DNAH6: variants seen among roughly 807,000 people sequenced by gnomAD.
DNAH6 encodes dynein axonemal heavy chain 6.
In DNAH6, 340 loss-of-function variants were observed where a neutral mutation model predicts 491.4. The observed-to-expected ratio is 0.69, with a 90% CI of 0.63 to 0.76. The LOEUF (loss-of-function observed/expected upper bound fraction) is 0.76, where lower values mean the gene tolerates loss of function less well. Ranked by LOEUF, DNAH6 falls within the 30% of genes least tolerant of loss-of-function variation. DNAH6 has a pLI of 0.00. For synonymous variants in DNAH6, 1,603 were observed against 1,686.1 expected (o/e 0.95, Z 1.21); for missense variants, 4,443 against 4,972.2 (o/e 0.89, Z 3.20).
chr2:84,525,806 C>G lies in DNAH6; in HGVS notation c.399+68C>G, dbSNP rs181683816. The stretch of plus-strand genomic sequence containing the variant: ...TGTTTTGTATAGCATTGCTAGCATA[C>G]TTTTAACTCATAAGAATAGAAGCAA... On this transcript the variant is annotated intron_variant, in intron 3 of 76. Coordinates refer to ENST00000389394, the MANE Select transcript of DNAH6 (RefSeq NM_001370.2). 4.2e-5 allele frequency: 48 copies of G among 1,133,012 alleles called. No individual in the cohort carries two copies. The Admixed American group carries it at 1.3e-3, about 31-fold the overall frequency. The allele number at this position is 1,133,012 out of a possible 1,614,324, so 70.2% of individuals were successfully genotyped here. A position where few individuals can be genotyped will look rare whatever the true frequency, so the allele number is the denominator to read the frequency against.
chr2:84,781,445 G>A (rs1478798780), intron 64 of DNAH6, 48 bp from the exon 65 acceptor site: 1 of 1,452,938 alleles, frequency 6.9e-7, no homozygotes, highest in Non-Finnish European at 9.3e-7. Flanking sequence ...TATTGATTTT[G>A]CTTTAAAATA....
intron 63 of DNAH6, among the ~76,000 whole-genome samples, chr2:84,754,077 C>T (rs1673752948): frequency 6.6e-6 from 1 of 152,136 alleles, no homozygotes; most frequent in Non-Finnish European, 1.5e-5. Flanking sequence ...CTGCCTTGGC[C>T]TCCCAAAGTG....
intron 8 of DNAH6, among the ~76,000 whole-genome samples, chr2:84,549,567 A>T (rs1456801036): frequency 6.6e-6 from 1 of 152,232 alleles, no homozygotes; most frequent in African/African-American, 2.4e-5. Context: ...AGCATCTTTT[A>T]AAAAATATTA....
At chr2:84,611,017 G>A (rs895243148) in intron 21 of DNAH6, among the ~76,000 whole-genome samples, 7 of 152,154 alleles carry the variant, frequency 4.6e-5, no homozygotes, top group Non-Finnish European at 1.5e-5. Flanking sequence ...ACCTAGAGTG[G>A]GAAGTGAGGA....
intron 30 of DNAH6, among the ~76,000 whole-genome samples, chr2:84,636,054 C>A (rs931270699): frequency 1.3e-5 from 2 of 152,200 alleles, no homozygotes; most frequent in African/African-American, 4.8e-5. Context: ...ACTTACACCT[C>A]TTGAATTCTG....
At chr2:84,734,098 T>C (rs1699334773) in intron 62 of DNAH6, among the ~76,000 whole-genome samples, 1 of 152,002 alleles carries the variant, frequency 6.6e-6, no homozygotes, top group Admixed American at 6.6e-5. Flanking sequence ...CTGTATTCAT[T>C]TTTCCCTGCA....
At position 84,564,032 on chromosome 2, in the gene DNAH6, T is replaced by A. The variant is rs1680923883; in HGVS notation, c.1803+6097T>A. Among the ~76,000 whole-genome samples, 4 of 152,172 alleles carry A rather than the reference T, an allele frequency of 2.6e-5. No homozygotes were observed. The South Asian group carries it at 8.3e-4, about 32-fold the overall frequency. On this transcript the variant is annotated intron_variant, in intron 11 of 76. Coordinates refer to ENST00000389394, the MANE Select transcript of DNAH6 (RefSeq NM_001370.2). ...GGTGTGCAGCTTTATTTCTGGGTTT[T>A]CTGTTCTGTTCTCTTGGTCTATGTG...
chr2:84,627,349 A>AT lies in DNAH6; in HGVS notation c.4515+2293dup, dbSNP rs571070998. On this transcript the variant is annotated intron_variant, in intron 29 of 76. Transcript: ENST00000389394. ...TTTTGTTGGAATACTTCCTTGAGCA[A>AT]TTTTTTTCCCATTCAAGTTTATAAA... 3.4e-3 allele frequency among the ~76,000 whole-genome samples: 524 copies of AT among 152,094 alleles called. 1 individual carries two copies. The highest frequency in any genetic ancestry group is 0.011 in the African/African-American group (476 of 41,500).
intron 63 of DNAH6, among the ~76,000 whole-genome samples, chr2:84,752,994 A>G (rs1160518738): frequency 6.6e-6 from 1 of 152,206 alleles, no homozygotes; most frequent in Non-Finnish European, 1.5e-5. Flanking sequence ...TTTTCCTAAA[A>G]GGCTGTATCA....
chr2:84,656,880 G>C (rs1691021556), intron 35 of DNAH6, among the ~76,000 whole-genome samples: 1 of 151,850 alleles, frequency 6.6e-6, no homozygotes, highest in South Asian at 2.1e-4. Context: ...CTCATGGATG[G>C]TGCCTTTGGT....
intron 33 of DNAH6, among the ~76,000 whole-genome samples, chr2:84,643,160 G>A (rs1240425022): frequency 6.6e-6 from 1 of 151,924 alleles, no homozygotes; most frequent in Non-Finnish European, 1.5e-5. Flanking sequence ...ATTCTAGGTT[G>A]GTGGGGTTTT....
intron 60 of DNAH6, among the ~76,000 whole-genome samples, chr2:84,726,502 GA>G (rs1173760485): frequency 1.3e-5 from 2 of 152,116 alleles, no homozygotes; most frequent in African/African-American, 4.8e-5. Context: ...GATGAAACTG[GA>G]AACCATCATT....
chr2:84,598,181 C>CTT (rs1684860253), intron 18 of DNAH6, among the ~76,000 whole-genome samples: 5 of 14,432 alleles, frequency 3.5e-4, no homozygotes, highest in Admixed American at 6.5e-4. Flanking sequence ...CTTTCTTTCT[C>CTT]TCTTTCTTTT....
At chr2:84,612,030 T>C (rs548078303) in intron 22 of DNAH6, among the ~76,000 whole-genome samples, 176 bp downstream of exon 22, 1 of 152,122 alleles carries the variant, frequency 6.6e-6, no homozygotes, top group East Asian at 1.9e-4. Context: ...TGCTAAGCAA[T>C]GTCAACGGAA....
At chr2:84,619,103 C>G (rs536619947) in intron 23 of DNAH6, among the ~76,000 whole-genome samples, 3 of 152,288 alleles carry the variant, frequency 2.0e-5, no homozygotes, top group African/African-American at 7.2e-5. Context: ...TTTATTTCTA[C>G]ATAGGTATAG....
At chr2:84,633,736 T>C (rs1049268120) in intron 29 of DNAH6, among the ~76,000 whole-genome samples, 2 of 151,762 alleles carry the variant, frequency 1.3e-5, no homozygotes, top group Admixed American at 1.3e-4. Context: ...GGCTTCCCTT[T>C]CCATTATGTT....
In DNAH6 at chr2:84,727,651, G is replaced by A; in HGVS notation, c.9973-18G>A. The A allele has an allele frequency of 7.0e-7, 1 of 1,434,092 alleles. No homozygotes were observed. Among genetic ancestry groups the A allele is most frequent in the Middle Eastern group, 1.7e-4 (1 of 5,786 alleles). The allele number at this position is 1,434,092 out of a possible 1,614,324, so 88.8% of individuals were successfully genotyped here. A position where few individuals can be genotyped will look rare whatever the true frequency, so the allele number is the denominator to read the frequency against. ...ATGAATTAAATCAGAGACATTGATA[G>A]AGCTCTCTTTCACACAGTTGTTCAA... On this transcript the variant is annotated intron_variant, in intron 60 of 76. Coordinates refer to ENST00000389394, the MANE Select transcript of DNAH6 (RefSeq NM_001370.2).
chr2:84,501,810 G>A, the DNAH6 span, among the ~76,000 whole-genome samples: 7 of 150,348 alleles, frequency 4.7e-5, no homozygotes, highest in African/African-American at 1.7e-4. Flanking sequence ...CAATTTATTG[G>A]CATGTAATTG....
Position 84,669,441 on chromosome 2 carries a change from G to T in DNAH6, c.6237G>T (p.Gly2079=). The T allele has an allele frequency of 1.3e-6, 2 of 1,551,968 alleles. No individual in the cohort carries two copies. Among genetic ancestry groups the T allele is most frequent in the Middle Eastern group, 1.7e-4 (1 of 5,996 alleles). ...LVPTTDTVRY[G]YLMEKLLAVK... is the part of the protein sequence containing the mutation. ...CCACAACTGACACAGTGCGCTATGG[G>T]TATCTAATGGAAAAACTACTGGCAG... is the stretch of plus-strand genomic sequence containing the variant. Residue 2079 remains glycine, a synonymous_variant, in exon 38 of 77, where the codon GGG becomes GGT. Transcript: ENST00000389394.
Sources: allele counts gnomAD v4.1 joint callset (sites outside exome capture counted in the v4.1 genomes callset), GRCh38; gene constraint gnomAD v4.1.1; transcripts MANE v1.5; gene names NCBI Gene and HGNC (gene_info 2026-07-23, HGNC 2026-07-21).